The following OXR1 variants were observed in gnomAD, a reference collection of about 807,000 sequenced individuals.
OXR1 encodes the protein oxidation resistance protein 1.
Under a neutral mutation model 104.6 loss-of-function variants are expected in OXR1, and 41 were observed. The observed-to-expected ratio is 0.39, with a 90% CI of 0.31 to 0.51. The LOEUF is 0.51. Ranked by LOEUF, OXR1 falls within the 20% of genes least tolerant of loss-of-function variation. The pLI is 0.77. For synonymous variants in OXR1, 348 were observed against 348.4 expected (o/e 1.00, Z 0.01); for missense variants, 955 against 1,031.9 (o/e 0.93, Z 1.02).
At chr8:106,569,046 T>G (rs1038163266) in intron 3 of OXR1, among the ~76,000 whole-genome samples, 1 of 152,126 alleles carries the variant, frequency 6.6e-6, no homozygotes, top group African/African-American at 2.4e-5. Flanking sequence ...CTGGATACCC[T>G]TTTAAACTTA....
chr8:106,719,900 G>A (rs1445414465), intron 11 of OXR1, among the ~76,000 whole-genome samples: 1 of 152,092 alleles, frequency 6.6e-6, no homozygotes, highest in Non-Finnish European at 1.5e-5. Context: ...CCGCCTCCTG[G>A]ATTCACGCCA....
chr8:106,556,535 T>G, intron 3 of OXR1, among the ~76,000 whole-genome samples: 1 of 152,074 alleles, frequency 6.6e-6, no homozygotes, highest in East Asian at 1.9e-4. Context: ...GGTGGAATAC[T>G]TAATATCTCT....
At chr8:106,704,390 CTTCTTTTTTTTTTTTTTTT>C (rs1830915305) in intron 8 of OXR1, among the ~76,000 whole-genome samples, 2 of 75,840 alleles carry the variant, frequency 2.6e-5, no homozygotes, top group Admixed American at 1.5e-4. Flanking sequence ...TTTCTTTCTT[CTTCTTTTTTTTTTTTTTTT>C]TTTTTTTTTT....
rs368120107 is a variant in OXR1 at position 106,517,238 on chromosome 8, A to G, written c.24-1705A>G. Among the ~76,000 whole-genome samples, 32 of 152,290 alleles carry G rather than the reference A, an allele frequency of 2.1e-4. No homozygotes were observed. In the East Asian group the frequency reaches 5.8e-3, roughly 28 times the overall value. On this transcript the variant is annotated intron_variant, in intron 2 of 16. Transcript: ENST00000517566. ...ATGTTTAGCCTACCATTTTACTATCATAGATAGTACTGCTTGTGTTTGGAC... is the reference window on the plus strand; with the variant it reads ...ATGTTTAGCCTACCATTTTACTATCGTAGATAGTACTGCTTGTGTTTGGAC...
intron 11 of OXR1, among the ~76,000 whole-genome samples, chr8:106,717,428 G>T (rs1832376099): frequency 1.3e-5 from 2 of 151,976 alleles, no homozygotes; most frequent in Non-Finnish European, 2.9e-5. Flanking sequence ...ACCAACTTGG[G>T]CATCAGTTAG....
chr8:106,534,977 T>G lies in OXR1; in HGVS notation c.220+15838T>G, dbSNP rs140569526. On this transcript the variant is annotated intron_variant, in intron 3 of 16. Coordinates refer to ENST00000517566, the MANE Select transcript of OXR1 (RefSeq NM_001198533.2). Reference sequence around the variant, plus strand: ...GGTTTTTTTTGTTTTGTTTTGTTTTTTTTGAGACGGAGTCTCGCTCTGTCG... The same window carrying G: ...GGTTTTTTTTGTTTTGTTTTGTTTTGTTTGAGACGGAGTCTCGCTCTGTCG... 4.0e-3 allele frequency among the ~76,000 whole-genome samples: 612 copies of G among 152,322 alleles called. 2 individuals carry two copies. The highest frequency in any genetic ancestry group is 6.2e-3 in the African/African-American group (258 of 41,566).
intron 14 of OXR1, among the ~76,000 whole-genome samples, chr8:106,741,318 G>A (rs1163822879): frequency 1.3e-5 from 2 of 152,008 alleles, no homozygotes; most frequent in Non-Finnish European, 2.9e-5. Flanking sequence ...TTTATCAGTG[G>A]GCCAAATGAA....
chr8:106,623,617 T>G (rs1411118712), intron 3 of OXR1, among the ~76,000 whole-genome samples: 1 of 151,966 alleles, frequency 6.6e-6, no homozygotes, highest in Non-Finnish European at 1.5e-5. Context: ...GTGGGGCAGG[T>G]GAATAGTAGT....
chr8:106,542,660 T>G (rs1004841375), intron 3 of OXR1, among the ~76,000 whole-genome samples: 3 of 152,102 alleles, frequency 2.0e-5, no homozygotes. Context: ...TGTGGTAGCA[T>G]TATTGCATAA....
chr8:106,273,880 A>C (rs996971469), intron 1 of OXR1, among the ~76,000 whole-genome samples: 5 of 152,258 alleles, frequency 3.3e-5, no homozygotes, highest in African/African-American at 1.2e-4. Context: ...CTAAGTAAAC[A>C]TTGTTTGATA....
At chr8:106,596,300 A>G (rs1392101654) in intron 3 of OXR1, among the ~76,000 whole-genome samples, 1 of 151,940 alleles carries the variant, frequency 6.6e-6, no homozygotes. Flanking sequence ...TACAAAATTA[A>G]CTGGGCATGG....
At position 106,548,063 on chromosome 8, in the gene OXR1, G is replaced by A. The variant is rs755224255; in HGVS notation, c.220+28924G>A. On this transcript the variant is annotated intron_variant, in intron 3 of 16. Coordinates refer to ENST00000517566, the MANE Select transcript of OXR1 (RefSeq NM_001198533.2). ...GAGCCAACATATTGTTTCTCATGGTGGGAATTTTAATTCTCACCACCAATG... is the reference window on the plus strand; with the variant it reads ...GAGCCAACATATTGTTTCTCATGGTAGGAATTTTAATTCTCACCACCAATG... 1.8e-3 allele frequency among the ~76,000 whole-genome samples: 273 copies of A among 152,164 alleles called. 2 individuals carry two copies. Among genetic ancestry groups the A allele is most frequent in the Non-Finnish European group, 2.6e-3 (174 of 68,004 alleles).
intron 1 of OXR1, chr8:106,272,555 G>A (rs1388021314): frequency 6.6e-6 from 1 of 152,230 alleles, no homozygotes; most frequent in Non-Finnish European, 1.5e-5. Flanking sequence ...AAACTGTTGG[G>A]GACAGTGGCA....
intron 2 of OXR1, among the ~76,000 whole-genome samples, chr8:106,409,292 C>T (rs902193010): frequency 2.4e-4 from 37 of 152,038 alleles, no homozygotes; most frequent in Admixed American, 6.6e-5. Context: ...GGAGAGGAGG[C>T]GAACTTGGCC....
At chr8:106,688,671 A>T (rs1828984036) in intron 6 of OXR1, among the ~76,000 whole-genome samples, 1 of 152,100 alleles carries the variant, frequency 6.6e-6, no homozygotes, top group Admixed American at 6.6e-5. Flanking sequence ...TTAGACTTTT[A>T]ATTAATCTTT....
chr8:106,406,553 A>C (rs1818243884), intron 2 of OXR1, among the ~76,000 whole-genome samples: 1 of 152,186 alleles, frequency 6.6e-6, no homozygotes, highest in Non-Finnish European at 1.5e-5. Flanking sequence ...ACAGTTATTA[A>C]GAAATCTTAA....
chr8:106,650,466 A>G (rs1379020935), intron 3 of OXR1, among the ~76,000 whole-genome samples: 1 of 152,192 alleles, frequency 6.6e-6, no homozygotes, highest in Non-Finnish European at 1.5e-5. Flanking sequence ...TTTCTTACTG[A>G]TGATTGAGAA....
intron 5 of OXR1, among the ~76,000 whole-genome samples, chr8:106,683,776 C>T (rs955312475): frequency 5.9e-5 from 9 of 152,074 alleles, no homozygotes; most frequent in Admixed American, 3.3e-4. Context: ...CTTTTTCACG[C>T]GTGCATGGTA....
intron 2 of OXR1, among the ~76,000 whole-genome samples, chr8:106,457,053 T>C (rs1394076955): frequency 6.6e-6 from 1 of 152,192 alleles, no homozygotes; most frequent in Non-Finnish European, 1.5e-5. Context: ...TAGAATTTAT[T>C]AGTTGAATGC....
Sources: allele counts gnomAD v4.1 joint callset (sites outside exome capture counted in the v4.1 genomes callset), GRCh38; gene constraint gnomAD v4.1.1; transcripts MANE v1.5; gene names NCBI Gene and HGNC (gene_info 2026-07-23, HGNC 2026-07-21).